The following PTPRN2 variants were observed in gnomAD, a reference collection of about 807,000 sequenced individuals.
PTPRN2 encodes the protein protein tyrosine phosphatase receptor type N2, also known as receptor-type tyrosine-protein phosphatase N2.
PTPRN2 carries 74 observed loss-of-function variants against 118.8 expected under a neutral mutation model. That is an observed-to-expected ratio of 0.62 (90% CI 0.52 to 0.76). The LOEUF (loss-of-function observed/expected upper bound fraction) is 0.76, where lower values mean the gene tolerates loss of function less well. PTPRN2 is among the 30% of genes least tolerant of loss of function. The pLI is 0.00. For missense variants in PTPRN2, 1,481 were observed against 1,394.4 expected, an observed-to-expected ratio of 1.06 and a Z score of -0.99; for synonymous variants, 641 against 608.0, an observed-to-expected ratio of 1.05 and a Z score of -0.80.
At chr7:158,571,511 A>C (rs1554537388) in intron 1 of PTPRN2, among the ~76,000 whole-genome samples, 9 of 146,042 alleles carry the variant, frequency 6.2e-5, no homozygotes, top group Admixed American at 4.9e-4. Context: ...ACAAAAAAAA[A>C]CACACACCTA....
chr7:158,066,163 G>A (rs1033467741), intron 11 of PTPRN2, among the ~76,000 whole-genome samples: 5 of 152,182 alleles, frequency 3.3e-5, no homozygotes, highest in African/African-American at 1.2e-4. Flanking sequence ...CTTGAGGCTC[G>A]GAGGCATCAC....
At chr7:158,305,063 T>C (rs1801182596) in intron 3 of PTPRN2, among the ~76,000 whole-genome samples, 1 of 152,196 alleles carries the variant, frequency 6.6e-6, no homozygotes, top group African/African-American at 2.4e-5. Flanking sequence ...TCTTCACGCC[T>C]CTGTTCCAAT....
chr7:158,493,500 TACAC>T (rs1475766762), intron 1 of PTPRN2, among the ~76,000 whole-genome samples: 4 of 1,236 alleles, frequency 3.2e-3, no homozygotes, highest in African/African-American at 0.029. Flanking sequence ...CCTGCACACA[TACAC>T]ACACGCACAC....
At chr7:157,568,557 C>T (rs1167847655) in intron 21 of PTPRN2, among the ~76,000 whole-genome samples, 1 of 152,354 alleles carries the variant, frequency 6.6e-6, no homozygotes, top group East Asian at 1.9e-4. Flanking sequence ...AGGGTGGCTT[C>T]TCCGTGGCTC....
chr7:158,131,138 AC>A (rs1818223996), intron 9 of PTPRN2, among the ~76,000 whole-genome samples: 1 of 79,990 alleles, frequency 1.3e-5, no homozygotes, highest in East Asian at 4.0e-4. Context: ...GCACATACAC[AC>A]ATACACACAC....
At chr7:157,653,804 C>A (rs1000945238) in intron 14 of PTPRN2, among the ~76,000 whole-genome samples, 1 of 150,704 alleles carries the variant, frequency 6.6e-6, no homozygotes, top group African/African-American at 2.4e-5. Flanking sequence ...GCCCGCTGCT[C>A]CCCACACCCA....
chr7:157,838,485 T>C (rs1446808454), intron 12 of PTPRN2, among the ~76,000 whole-genome samples: 2 of 69,756 alleles, frequency 2.9e-5, no homozygotes, highest in South Asian at 1.7e-3. Context: ...GGGAGAAAGC[T>C]CCTCTCCACC....
intron 11 of PTPRN2, among the ~76,000 whole-genome samples, chr7:157,902,306 C>T (rs571246113): frequency 5.0e-5 from 7 of 140,320 alleles, no homozygotes; most frequent in East Asian, 2.2e-4. Flanking sequence ...AGTGTGGTGC[C>T]GCCAACCCTG....
chr7:158,134,024 C>T lies in PTPRN2; in HGVS notation c.1209G>A (p.Leu403=), dbSNP rs1465444103. ...HRLSATLGGL[L]QDHGSRLLPG... ...GTAAGAGTCGAGACCCGTGGTCCTG[C>T]AGGAGGCCCCCGAGTGTGGCACTCA... The change falls in exon 9 of 23, where the codon CTG becomes CTA. Residue 403 remains leucine, a synonymous_variant. Coordinates refer to ENST00000389418, the MANE Select transcript of PTPRN2 (RefSeq NM_002847.5). The T allele has an allele frequency of 2.5e-6, 4 of 1,613,830 alleles. No homozygotes were observed. The South Asian group carries it at 4.4e-5, about 18-fold the overall frequency.
intron 11 of PTPRN2, among the ~76,000 whole-genome samples, chr7:158,000,480 T>C: frequency 6.6e-6 from 1 of 151,876 alleles, no homozygotes; most frequent in Non-Finnish European, 1.5e-5. Context: ...CTGCACACCT[T>C]TCCTTCTTCC....
intron 2 of PTPRN2, among the ~76,000 whole-genome samples, chr7:158,393,724 C>T (rs932753155): frequency 7.2e-5 from 11 of 152,122 alleles, no homozygotes; most frequent in Non-Finnish European, 1.2e-4. Context: ...ATAATCTCAT[C>T]GCCTAACACT....
rs532823448 is a variant in PTPRN2, at chr7:157,563,562, C to G, written c.2902+5340G>C. ...CCACGTGCTCCCACGTCACCACACA[C>G]AGCAGATCAGGACCACGTGCTCCCG... On this transcript the variant is annotated intron_variant, in intron 21 of 22. Coordinates refer to ENST00000389418, the MANE Select transcript of PTPRN2 (RefSeq NM_002847.5). Among the ~76,000 whole-genome samples, 123 of 135,276 alleles carry G rather than the reference C, an allele frequency of 9.1e-4. 1 individual carries two copies. The highest frequency in any genetic ancestry group is 3.3e-3 in the African/African-American group (115 of 35,076). The allele number at this position is 135,276 out of a possible 152,430, so 88.7% of individuals were successfully genotyped here. A position where few individuals can be genotyped will look rare whatever the true frequency, so the allele number is the denominator to read the frequency against.
chr7:157,771,781 A>ACT (rs1460237600), intron 12 of PTPRN2, among the ~76,000 whole-genome samples: 15 of 109,130 alleles, frequency 1.4e-4, no homozygotes, highest in African/African-American at 9.0e-4. Flanking sequence ...AGACACAGAC[A>ACT]CACACTCACA....
In PTPRN2 at chr7:158,315,423, A is replaced by T. The variant is rs573636850; in HGVS notation, c.277+1396T>A. Among the ~76,000 whole-genome samples the T allele has an allele frequency of 3.3e-5, 5 of 150,526 alleles. No individual in the cohort carries two copies. In the South Asian group the frequency reaches 1.1e-3, roughly 32 times the overall value. ...GAACCCAGGACGCCCTCAAGGACAG[A>T]GGTGAACCCAGGACCCCATGAAGGA... On this transcript the variant is annotated intron_variant, in intron 3 of 22. Coordinates refer to ENST00000389418, the MANE Select transcript of PTPRN2 (RefSeq NM_002847.5).
At chr7:158,478,313 A>T (rs1820415405) in intron 2 of PTPRN2, among the ~76,000 whole-genome samples, 1 of 152,212 alleles carries the variant, frequency 6.6e-6, no homozygotes, top group African/African-American at 2.4e-5. Context: ...CGCCGTACAG[A>T]CACTCGGAAA....
At chr7:158,467,296 G>GTTGT (rs759911453) in intron 2 of PTPRN2, among the ~76,000 whole-genome samples, 10 of 151,832 alleles carry the variant, frequency 6.6e-5, no homozygotes, top group African/African-American at 2.2e-4. Context: ...TTTTTTGTGT[G>GTTGT]TTGTTTGTTT....
chr7:157,850,317 A>C (rs1289203831), intron 12 of PTPRN2, among the ~76,000 whole-genome samples: 5 of 81,716 alleles, frequency 6.1e-5, no homozygotes, highest in Non-Finnish European at 2.7e-5. Context: ...CAGGTCTCCG[A>C]ATTTCCGACG....
At chr7:157,871,046 T>G (rs1342617475) in intron 12 of PTPRN2, among the ~76,000 whole-genome samples, 1 of 152,204 alleles carries the variant, frequency 6.6e-6, no homozygotes, top group Non-Finnish European at 1.5e-5. Context: ...CGCTAGGCCA[T>G]GAGCTGCACA....
In PTPRN2 at chr7:158,529,554, T is replaced by C. The variant is rs544518178; in HGVS notation, c.113-39769A>G. 2.6e-5 allele frequency among the ~76,000 whole-genome samples: 4 copies of C among 152,342 alleles called. No individual in the cohort carries two copies. Among genetic ancestry groups the C allele is most frequent in the East Asian group, 3.9e-4 (2 of 5,186 alleles). On this transcript the variant is annotated intron_variant, in intron 1 of 22. Coordinates refer to ENST00000389418, the MANE Select transcript of PTPRN2 (RefSeq NM_002847.5). This position sits in a 1 kb window ranked among gnomAD's most constrained non-coding sequence, Gnocchi z 4.7. ...CACAGAGTGCTCTGTATTAGATATT[T>C]TGTGCATTTTTGACCAAAATGAGTC...
Sources: allele counts gnomAD v4.1 joint callset (sites outside exome capture counted in the v4.1 genomes callset), GRCh38; gene constraint gnomAD v4.1.1; non-coding constraint Gnocchi (gnomAD v3.1); transcripts MANE v1.5; gene names NCBI Gene and HGNC (gene_info 2026-07-23, HGNC 2026-07-21).